CUL5: variants seen among roughly 807,000 people sequenced by gnomAD.
CUL5 encodes the protein cullin-5.
CUL5 carries 26 observed loss-of-function variants against 108.8 expected under a neutral mutation model. That is an observed-to-expected ratio of 0.24 (90% CI 0.18 to 0.33). CUL5 has a LOEUF of 0.33. CUL5 is among the 10% of genes least tolerant of loss of function. CUL5 has a pLI of 1.00. For missense variants in CUL5, 524 were observed against 909.2 expected (o/e 0.58, Z 5.45); for synonymous variants, 334 against 298.0 (o/e 1.12, Z -1.25).
At chr11:108,019,388 T>C (rs1258462342) in intron 1 of CUL5, among the ~76,000 whole-genome samples, 1 of 152,212 alleles carries the variant, frequency 6.6e-6, no homozygotes, top group Non-Finnish European at 1.5e-5. Context: ...AACCTCATAA[T>C]TCACATGAAT....
intron 1 of CUL5, among the ~76,000 whole-genome samples, chr11:108,028,973 T>A (rs1862514570): frequency 6.6e-6 from 1 of 152,250 alleles, no homozygotes; most frequent in Admixed American, 6.5e-5. Flanking sequence ...TAAGCTAAGT[T>A]ACTTCTATGA....
chr11:108,058,225 A>C (rs1175842223), intron 7 of CUL5, among the ~76,000 whole-genome samples: 1 of 148,670 alleles, frequency 6.7e-6, no homozygotes, highest in Non-Finnish European at 1.5e-5. Flanking sequence ...AAAAAAAAAA[A>C]AGAATATTAT....
At chr11:108,086,221 T>A (rs1864219599) in intron 11 of CUL5, among the ~76,000 whole-genome samples, 1 of 152,174 alleles carries the variant, frequency 6.6e-6, no homozygotes, top group African/African-American at 2.4e-5. Flanking sequence ...CCTAGGTACA[T>A]CATAGTAAAA....
intron 11 of CUL5, among the ~76,000 whole-genome samples, chr11:108,079,731 A>G (rs372585771): frequency 2.0e-5 from 3 of 152,152 alleles, no homozygotes; most frequent in Non-Finnish European, 2.9e-5. Flanking sequence ...CTTCATGTCT[A>G]TTCCCAGTCG....
chr11:108,077,467 TA>T (rs1388853581), intron 10 of CUL5, among the ~76,000 whole-genome samples: 7 of 151,938 alleles, frequency 4.6e-5, no homozygotes, highest in Admixed American at 1.3e-4. Flanking sequence ...CTGTCTCTAT[TA>T]AAAATACAAA....
chr11:108,022,377 A>AT (rs1052390317), intron 1 of CUL5, among the ~76,000 whole-genome samples: 1 of 152,074 alleles, frequency 6.6e-6, no homozygotes, highest in African/African-American at 2.4e-5. Context: ...AAACATTTTT[A>AT]TTTTTTAACA....
chr11:108,041,144 C>A (rs968479618), intron 2 of CUL5, among the ~76,000 whole-genome samples: 12 of 152,218 alleles, frequency 7.9e-5, no homozygotes, highest in South Asian at 4.1e-4. Flanking sequence ...CTGATTCTTA[C>A]TGCTCAAGCT....
chr11:108,092,219 A>G (rs2135232470), intron 13 of CUL5, among the ~76,000 whole-genome samples: 1 of 152,324 alleles, frequency 6.6e-6, no homozygotes, highest in East Asian at 1.9e-4. Flanking sequence ...AAATGCTAGT[A>G]AGGAAGAGGA....
intron 1 of CUL5, among the ~76,000 whole-genome samples, chr11:108,026,803 A>G (rs1192630194): frequency 6.6e-6 from 1 of 152,000 alleles, no homozygotes; most frequent in African/African-American, 2.4e-5. Context: ...ACCCTGGCCA[A>G]TGTGGCGAAA....
At chr11:108,095,728 T>A (rs1212026073) in intron 16 of CUL5, 37 bp downstream of exon 16, 2 of 1,529,250 alleles carry the variant, frequency 1.3e-6, no homozygotes, top group African/African-American at 2.8e-5. Flanking sequence ...GACTGTATCC[T>A]CTCATGTAGC....
chr11:108,068,249 A>G (rs1863737967), intron 7 of CUL5, among the ~76,000 whole-genome samples: 1 of 152,250 alleles, frequency 6.6e-6, no homozygotes, highest in Admixed American at 6.5e-5. Context: ...ACAGAAATAT[A>G]CATGGATATA....
rs183150517 is a variant in CUL5 at position 108,074,275 on chromosome 11, A to C, written c.1113+778A>C. 3.1e-3 allele frequency among the ~76,000 whole-genome samples: 464 copies of C among 149,370 alleles called. 4 individuals are homozygous for C. Among genetic ancestry groups the C allele is most frequent in the African/African-American group, 0.011 (454 of 40,420 alleles). ...AATGGCATGATCTTGGCTCACTGCAACTTCTGCCTCCCAGGTTCAAGCGAT... is the reference window on the plus strand; with the variant it reads ...AATGGCATGATCTTGGCTCACTGCACCTTCTGCCTCCCAGGTTCAAGCGAT... On this transcript the variant is annotated intron_variant, in intron 10 of 18. Coordinates refer to ENST00000393094, the MANE Select transcript of CUL5 (RefSeq NM_003478.6).
intron 13 of CUL5, among the ~76,000 whole-genome samples, chr11:108,092,856 G>T (rs968500137): frequency 6.6e-6 from 1 of 151,704 alleles, no homozygotes; most frequent in Non-Finnish European, 1.5e-5. Flanking sequence ...TCACTTTGTT[G>T]CCCAGGCTGG....
rs541018612 is a variant in CUL5, at chr11:108,022,977, G to A, written c.25-10825G>A. The stretch of plus-strand genomic sequence containing the variant: ...GAAATATCCTTTCCTGGCCCAGCGT[G>A]GTGGCTCACGCCTGTAATCCTAGCA... On this transcript the variant is annotated intron_variant, in intron 1 of 18. Coordinates refer to ENST00000393094, the MANE Select transcript of CUL5 (RefSeq NM_003478.6). 7.2e-5 allele frequency among the ~76,000 whole-genome samples: 11 copies of A among 152,306 alleles called. No homozygotes were observed. In the East Asian group the frequency reaches 2.1e-3, roughly 29 times the overall value.
chr11:108,035,540 C>G (rs4565865), intron 2 of CUL5, among the ~76,000 whole-genome samples: 20,007 of 151,218 alleles, frequency 0.13, 1,415 homozygotes, highest in African/African-American at 0.18. Context: ...AGTTCAAGAC[C>G]AGCCTGGGCA....
chr11:108,065,511 C>A (rs1863652261), intron 7 of CUL5, among the ~76,000 whole-genome samples: 2 of 152,144 alleles, frequency 1.3e-5, no homozygotes, highest in African/African-American at 4.8e-5. Context: ...TAGGGCTGGT[C>A]TAAATGCTCC....
chr11:108,069,540 G>T (rs1863770751), intron 7 of CUL5, among the ~76,000 whole-genome samples: 1 of 151,582 alleles, frequency 6.6e-6, no homozygotes, highest in African/African-American at 2.4e-5. Flanking sequence ...TAGTTTCTAA[G>T]TTTTTTTTTA....
At chr11:108,073,657 G>C in intron 10 of CUL5, 160 bp downstream of exon 10, 1 of 395,698 alleles carries the variant, frequency 2.5e-6, no homozygotes, top group Non-Finnish European at 4.6e-6. Context: ...GTTTTGTCTT[G>C]GCTGTAAGCA....
At chr11:108,075,813 C>T (rs1308130002) in intron 10 of CUL5, among the ~76,000 whole-genome samples, 1 of 152,156 alleles carries the variant, frequency 6.6e-6, no homozygotes, top group East Asian at 1.9e-4. Context: ...AGCCACCACC[C>T]CTGGCCCCCT....
Sources: gnomAD v4.1 joint callset for allele counts (sites outside exome capture counted in the v4.1 genomes callset) on GRCh38, gnomAD v4.1.1 for gene constraint, MANE v1.5 for transcripts, NCBI Gene and HGNC (gene_info 2026-07-23, HGNC 2026-07-21) for gene names.